Variants in LIAS observed in about 807,000 individuals in gnomAD.
LIAS encodes lipoic acid synthetase.
A neutral mutation model predicts 49.4 loss-of-function variants in LIAS; 36 were observed. The observed-to-expected ratio is 0.73, with a 90% CI of 0.56 to 0.96. The LOEUF is 0.96. LIAS is among the 40% of genes least tolerant of loss of function. The pLI is 0.00. For synonymous variants in LIAS, 145 were observed against 155.8 expected (o/e 0.93, Z 0.52); for missense variants, 399 against 456.3 (o/e 0.87, Z 1.14).
At position 39,471,379 on chromosome 4, in the gene LIAS, G is replaced by A. The variant is rs935201017; in HGVS notation, c.954+73G>A. ...ATGGAGTTTTGCTCTTGTCGCCTGA[G>A]CTGGAGTGTAGTGGCACAATCTCGG... is the stretch of plus-strand genomic sequence containing the variant. On this transcript the variant is annotated intron_variant, in intron 9 of 10. Transcript: ENST00000640888. 83 of 1,198,364 alleles carry A rather than the reference G, an allele frequency of 6.9e-5. No individual in the cohort carries two copies. The African/African-American group carries it at 8.3e-4, about 12-fold the overall frequency. 74.2% of individuals were successfully genotyped at this position (1,198,364 alleles called of 1,614,324 possible). A position where few individuals can be genotyped will look rare whatever the true frequency, so the allele number is the denominator to read the frequency against.
At chr4:39,466,072 T>A (rs1744744717) in intron 6 of LIAS, 1 of 152,188 alleles carries the variant, frequency 6.6e-6, no homozygotes, top group Non-Finnish European at 1.5e-5. Flanking sequence ...ACTTCTGGGC[T>A]CAAGCAATCC....
At chr4:39,465,951 C>G (rs928355456) in intron 6 of LIAS, 1 of 152,122 alleles carries the variant, frequency 6.6e-6, no homozygotes, top group Admixed American at 6.6e-5. Flanking sequence ...AGCCATCACG[C>G]CCGGCCTGTT....
intron 9 of LIAS, among the ~76,000 whole-genome samples, chr4:39,471,644 A>G (rs1167805829): frequency 1.4e-5 from 2 of 142,428 alleles, no homozygotes; most frequent in Admixed American, 7.9e-5. Flanking sequence ...TTCATGCTTC[A>G]GCCTCCTGAG....
intron 10 of LIAS, among the ~76,000 whole-genome samples, chr4:39,474,575 A>G (rs1037466938): frequency 6.6e-6 from 1 of 151,602 alleles, no homozygotes; most frequent in African/African-American, 2.4e-5. Flanking sequence ...GTGAGATCTC[A>G]TCTCTTTATT....
intron 7 of LIAS, 148 bp from the exon 8 acceptor site, chr4:39,469,870 AC>A (rs1424777340): frequency 3.5e-6 from 2 of 567,080 alleles, no homozygotes; most frequent in African/African-American, 3.8e-5. Context: ...TCCTAAATTA[AC>A]AGGCATCTGT....
intron 9 of LIAS, among the ~76,000 whole-genome samples, chr4:39,471,793 G>A (rs1174449169): frequency 6.6e-6 from 1 of 151,894 alleles, no homozygotes; most frequent in African/African-American, 2.4e-5. Context: ...CTCCCAAAGC[G>A]CTAGGATTAC....
rs768249393 is a variant in LIAS, at chr4:39,470,181, A to G, written c.883+17A>G. ...CAATGAAAGGTAAAGAAATTGAAAA[A>G]TGAAAAATCTTTCCCATGTAATTTG... On this transcript the variant is annotated intron_variant, in intron 8 of 10. Coordinates refer to ENST00000640888, the MANE Select transcript of LIAS (RefSeq NM_006859.4). 42 of 1,604,464 alleles carry G rather than the reference A, an allele frequency of 2.6e-5. No homozygotes were observed. Among genetic ancestry groups the G allele is most frequent in the Non-Finnish European group, 3.2e-5 (38 of 1,173,460 alleles).
intron 8 of LIAS, 142 bp downstream of exon 8, chr4:39,470,306 G>A: frequency 1.9e-6 from 1 of 534,830 alleles, no homozygotes; most frequent in Non-Finnish European, 3.1e-6. Flanking sequence ...ACTTGCACAT[G>A]CACCCTCAAA....
At chr4:39,461,572 C>T (rs539850004) in intron 2 of LIAS, among the ~76,000 whole-genome samples, 1 of 152,310 alleles carries the variant, frequency 6.6e-6, no homozygotes, top group Non-Finnish European at 1.5e-5. Context: ...TTGGCAGTAT[C>T]ATTCATGAGG....
rs1745277815 is a variant in LIAS, at chr4:39,478,339, A to G, written c.*1224A>G. ...GCCAACCTGGTGAAACTCCATTGCTACTAAAAATAAAAAAATTAGCTAGGT... is the reference window on the plus strand; with the variant it reads ...GCCAACCTGGTGAAACTCCATTGCTGCTAAAAATAAAAAAATTAGCTAGGT... On this transcript the variant is annotated 3_prime_UTR_variant, in exon 11 of 11. Coordinates refer to ENST00000640888, the MANE Select transcript of LIAS (RefSeq NM_006859.4). 1 of 152,150 alleles carries G rather than the reference A, an allele frequency of 6.6e-6. No homozygotes were observed. The highest frequency in any genetic ancestry group is 2.1e-4 in the South Asian group (1 of 4,826). 9.4% of individuals were successfully genotyped at this position (152,150 alleles called of 1,614,324 possible).
chr4:39,468,500 A>ATATAT (rs1397366931), intron 7 of LIAS: 4 of 122,130 alleles, frequency 3.3e-5, no homozygotes, highest in South Asian at 2.6e-4. Flanking sequence ...AAGGAAAAAA[A>ATATAT]AAATATATAT....
intron 8 of LIAS, among the ~76,000 whole-genome samples, chr4:39,470,797 A>G (rs559917087): frequency 4.6e-5 from 7 of 152,344 alleles, no homozygotes; most frequent in African/African-American, 1.7e-4. Context: ...TTTATTAGAA[A>G]GATTCTGATA....
chr4:39,468,443 T>C (rs374908411), intron 7 of LIAS: 1 of 145,146 alleles, frequency 6.9e-6, no homozygotes, highest in Non-Finnish European at 1.5e-5. Context: ...ATTGCGCCAT[T>C]GCACTCCAGC....
At position 39,477,386 on chromosome 4, in the gene LIAS, A is replaced by T; in HGVS notation, c.*271A>T. 1 of 296,036 alleles carries T rather than the reference A, an allele frequency of 3.4e-6. No individual in the cohort carries two copies. Among genetic ancestry groups the T allele is most frequent in the Non-Finnish European group, 6.2e-6 (1 of 160,746 alleles). The allele number at this position is 296,036 out of a possible 1,614,324, so 18.3% of individuals were successfully genotyped here. ...TCCACTAAAAACACAAAAATTAGTC[A>T]GGCGTGGTAGTGGGTGCCTGTAATC... On this transcript the variant is annotated 3_prime_UTR_variant, in exon 11 of 11. Coordinates refer to ENST00000640888, the MANE Select transcript of LIAS (RefSeq NM_006859.4).
At position 39,465,310 on chromosome 4, in the gene LIAS, C is replaced by A. The variant is rs763776034; in HGVS notation, c.576C>A (p.His192Gln). 6.2e-7 allele frequency: 1 copy of A among 1,612,554 alleles called. No individual in the cohort carries two copies. The highest frequency in any genetic ancestry group is 8.5e-7 in the Non-Finnish European group (1 of 1,179,656). ...RDDMPDGGAE[H>Q]IAKTVSYLKE... ...ATATGCCTGATGGGGGAGCTGAACA[C>A]ATTGCAAAGACCGTATCATATTTAA... Residue 192 changes from histidine (H) to glutamine (Q), a missense_variant, in exon 6 of 11, where the codon CAC (histidine) becomes CAA (glutamine). Physicochemically the swap from His to Gln is conservative, Grantham distance 24. Transcript: ENST00000640888.
Position 39,477,080 on chromosome 4 carries a change from A to C in LIAS, c.1084A>C (p.Asn362His). ...CTAAATAGGTGAATTTTTCCTGAAA[A>C]ATCTAGTGGCTAAAAGAAAAACAAA... is the stretch of plus-strand genomic sequence containing the variant. ...SYKAGEFFLK[N>H]LVAKRKTKDL The change falls in exon 11 of 11, where the codon AAT becomes CAT. Residue 362 changes from asparagine (N) to histidine (H), a missense_variant. Coordinates refer to ENST00000640888, the MANE Select transcript of LIAS (RefSeq NM_006859.4). 1 of 1,596,730 alleles carries C rather than the reference A, an allele frequency of 6.3e-7. No homozygotes were observed. The highest frequency in any genetic ancestry group is 1.1e-5 in the South Asian group (1 of 87,292).
At chr4:39,469,257 A>G (rs937716055) in intron 7 of LIAS, 1 of 152,244 alleles carries the variant, frequency 6.6e-6, no homozygotes, top group Non-Finnish European at 1.5e-5. Context: ...AGTGATTTCT[A>G]TAATGTCAGT....
intron 7 of LIAS, 84 bp from the exon 8 acceptor site, chr4:39,469,935 T>C (rs748720082): frequency 8.0e-7 from 1 of 1,252,342 alleles, no homozygotes; most frequent in Non-Finnish European, 1.1e-6. Flanking sequence ...AGAATGTACT[T>C]CTCTGGTCTT....
At chr4:39,462,341 C>A in intron 3 of LIAS, 52 bp downstream of exon 3, 2 of 769,720 alleles carry the variant, frequency 2.6e-6, no homozygotes, top group Non-Finnish European at 2.0e-6. Flanking sequence ...CATGTTTCTA[C>A]GTTTATATAA....
Sources: gnomAD v4.1 joint callset for allele counts (sites outside exome capture counted in the v4.1 genomes callset) on GRCh38, gnomAD v4.1.1 for gene constraint, MANE v1.5 for transcripts, NCBI Gene and HGNC (gene_info 2026-07-23, HGNC 2026-07-21) for gene names.